Variants in ZNF717 observed in about 807,000 individuals in gnomAD.
The protein encoded by ZNF717 is zinc finger protein 717.
In ZNF717, 9 loss-of-function variants were observed where a neutral mutation model predicts 13.8. The observed-to-expected ratio is 0.65, with a 90% CI of 0.39 to 1.14. The LOEUF (loss-of-function observed/expected upper bound fraction) is 1.14, where lower values mean the gene tolerates loss of function less well. Ranked by LOEUF, ZNF717 falls within the 50% of genes most tolerant of loss-of-function variation. The pLI is 0.01. For missense variants in ZNF717, 1,040 were observed against 1,080.7 expected, an observed-to-expected ratio of 0.96 and a Z score of 0.53; for synonymous variants, 327 against 364.1, an observed-to-expected ratio of 0.90 and a Z score of 1.16.
At position 75,738,226 on chromosome 3, in the gene ZNF717, A is replaced by G. The variant is rs1422175700; in HGVS notation, c.1397T>C (p.Leu466Pro). ...TGTGTGAGTTCTCTGATGTAACCTG[A>G]GGTTTGACTTATTGATAAAGGGTTT... The part of the protein sequence containing the change: ...CGKPFINKSN[L>P]RLHQRTHTGE... Residue 466 changes from leucine to proline, a missense_variant, in exon 5 of 5, where the codon CTC becomes CCC. Leu to Pro is a moderately conservative substitution (Grantham distance 98, BLOSUM62 -3). Transcript: ENST00000652011. 2 of 1,547,816 alleles carry G rather than the reference A, an allele frequency of 1.3e-6. No individual in the cohort carries two copies. Among genetic ancestry groups the G allele is most frequent in the African/African-American group, 1.4e-5 (1 of 72,704 alleles).
intron 2 of ZNF717, among the ~76,000 whole-genome samples, chr3:75,765,700 C>G (rs1287812221): frequency 6.6e-6 from 1 of 152,116 alleles, no homozygotes; most frequent in African/African-American, 2.4e-5. Flanking sequence ...GCATGAGCCA[C>G]CATGCCCAGC....
intron 2 of ZNF717, among the ~76,000 whole-genome samples, chr3:75,768,631 C>CT: frequency 6.7e-6 from 1 of 149,744 alleles, no homozygotes; most frequent in Non-Finnish European, 1.5e-5. Context: ...CCACCACAAC[C>CT]TGATTCAGTC....
At chr3:75,780,279 A>C (rs1052891884) in intron 2 of ZNF717, among the ~76,000 whole-genome samples, 70 of 149,910 alleles carry the variant, frequency 4.7e-4, no homozygotes, top group Admixed American at 2.5e-3. Flanking sequence ...ACGTGCTAAA[A>C]CTGGAACCCA....
chr3:75,732,858 C>CA (rs1256719282), downstream of ZNF717, among the ~76,000 whole-genome samples: 8 of 152,036 alleles, frequency 5.3e-5, no homozygotes, highest in Admixed American at 3.9e-4. Context: ...TACTAAAAGG[C>CA]AAAAAACACA....
At chr3:75,747,194 G>C (rs1322131548) in intron 2 of ZNF717, among the ~76,000 whole-genome samples, 5 of 151,890 alleles carry the variant, frequency 3.3e-5, no homozygotes, top group East Asian at 1.9e-4. Context: ...ATTTCTGAGG[G>C]CTCTGTTCTG....
chr3:75,762,374 G>C (rs1490871927), intron 2 of ZNF717, among the ~76,000 whole-genome samples: 1 of 151,420 alleles, frequency 6.6e-6, no homozygotes. Flanking sequence ...AAGGAAGGTG[G>C]AGGTTGCAGT....
chr3:75,715,079 A>G (rs1938019967), intron 5 of ZNF717, among the ~76,000 whole-genome samples: 1 of 152,190 alleles, frequency 6.6e-6, no homozygotes, highest in Non-Finnish European at 1.5e-5. Flanking sequence ...AACATGGCTA[A>G]AATTTATTTG....
intron 4 of ZNF717, among the ~76,000 whole-genome samples, chr3:75,717,802 T>G (rs1367409704): frequency 6.6e-6 from 1 of 152,234 alleles, no homozygotes; most frequent in Non-Finnish European, 1.5e-5. Flanking sequence ...CTTGTGGGAT[T>G]TGTTTGCTTC....
chr3:75,727,724 G>A (rs1289594797), downstream of ZNF717, among the ~76,000 whole-genome samples: 4 of 152,222 alleles, frequency 2.6e-5, no homozygotes, highest in African/African-American at 9.6e-5. Flanking sequence ...GCGGGACACA[G>A]ACCCTCATCA....
At chr3:75,730,534 G>A in exon 6 of ZNF717, 2 of 684,856 alleles carry the variant, frequency 2.9e-6, no homozygotes, top group East Asian at 2.7e-5. Flanking sequence ...GACACATCAT[G>A]TTTGAAATAT....
intron 5 of ZNF717, among the ~76,000 whole-genome samples, chr3:75,713,237 A>G (rs1355991842): frequency 6.6e-6 from 1 of 151,850 alleles, no homozygotes; most frequent in African/African-American, 2.4e-5. Context: ...TGCAGCCTCA[A>G]CCTCCTGGGC....
chr3:75,758,112 CAA>C (rs111361124), intron 2 of ZNF717, among the ~76,000 whole-genome samples: 8 of 64,566 alleles, frequency 1.2e-4, no homozygotes, highest in African/African-American at 1.6e-4. Flanking sequence ...GACTCCATCT[CAA>C]AAAAAAAAAA....
At chr3:75,699,539 T>G (rs1937644170) in intron 6 of ZNF717, among the ~76,000 whole-genome samples, 2 of 152,308 alleles carry the variant, frequency 1.3e-5, no homozygotes, top group African/African-American at 4.8e-5. Flanking sequence ...TATCTACAAG[T>G]GTGTGTAGCA....
intron 2 of ZNF717, among the ~76,000 whole-genome samples, chr3:75,769,128 T>C (rs1943713149): frequency 6.6e-6 from 1 of 152,196 alleles, no homozygotes; most frequent in African/African-American, 2.4e-5. Flanking sequence ...CCCCCTTGAA[T>C]CGTGGCTGGT....
intron 2 of ZNF717, among the ~76,000 whole-genome samples, chr3:75,744,361 A>C (rs1323709419): frequency 6.6e-6 from 1 of 152,262 alleles, no homozygotes; most frequent in Admixed American, 6.5e-5. Flanking sequence ...ACAAATTAAT[A>C]TGACACAATT....
At chr3:75,766,297 A>T (rs962444110) in intron 2 of ZNF717, among the ~76,000 whole-genome samples, 1 of 152,186 alleles carries the variant, frequency 6.6e-6, no homozygotes, top group Non-Finnish European at 1.5e-5. Flanking sequence ...AGACACAAAC[A>T]AACTATGAGA....
rs1939630936 is a variant in ZNF717, at chr3:75,737,870, G to T, written c.1753C>A (p.His585Asn). ...KSFLTIHQRT[H>N]AGKKPYECNE... Reference sequence around the variant, plus strand: ...CATTCATAGGGTTTTTTGCCAGCATGAGTTCTCTGATGTATAGTTAGGAAT... The same window carrying T: ...CATTCATAGGGTTTTTTGCCAGCATTAGTTCTCTGATGTATAGTTAGGAAT... The change falls in exon 5 of 5, where the codon CAT becomes AAT. Residue 585 changes from histidine to asparagine, a missense_variant. Coordinates refer to ENST00000652011, the MANE Select transcript of ZNF717 (RefSeq NM_001290208.3). 6.5e-7 allele frequency: 1 copy of T among 1,546,674 alleles called. No homozygotes were observed. The highest frequency in any genetic ancestry group is 8.7e-7 in the Non-Finnish European group (1 of 1,143,764).
Position 75,738,892 on chromosome 3 carries a change from T to C in ZNF717, c.731A>G (p.Lys244Arg). The change falls in exon 5 of 5, where the codon AAA (lysine) becomes AGA (arginine). Residue 244 changes from lysine to arginine, a missense_variant. Physicochemically the swap from Lys to Arg is conservative, Grantham distance 26. Around this residue, in one of 3 missense-constraint regions of ZNF717, gnomAD observed 873 missense variants for 832.8 expected, o/e 1.05. Coordinates refer to ENST00000652011, the MANE Select transcript of ZNF717 (RefSeq NM_001290208.3). ...QTFGKYNEYE[K>R]ACNNSAVIVQ... The stretch of plus-strand genomic sequence containing the variant: ...AATAACAGCTGAGTTATTACAGGCT[T>C]TCTCATATTCATTATATTTACCAAA... The C allele has an allele frequency of 6.4e-7, 1 of 1,551,466 alleles. No homozygotes were observed. The highest frequency in any genetic ancestry group is 8.7e-7 in the Non-Finnish European group (1 of 1,146,878).
chr3:75,780,605 T>G (rs1944738031), intron 2 of ZNF717, among the ~76,000 whole-genome samples: 2 of 152,228 alleles, frequency 1.3e-5, no homozygotes, highest in Admixed American at 6.5e-5. Context: ...TTTCACCGTA[T>G]TAGCCAGGAT....
Sources: allele counts gnomAD v4.1 joint callset (sites outside exome capture counted in the v4.1 genomes callset), GRCh38; gene constraint gnomAD v4.1.1; regional missense constraint gnomAD v4.1.1; transcripts MANE v1.5; gene names NCBI Gene and HGNC (gene_info 2026-07-23, HGNC 2026-07-21).